LRRC27: variants seen among roughly 807,000 people sequenced by gnomAD.
LRRC27 encodes leucine-rich repeat-containing protein 27.
A neutral mutation model predicts 55.0 loss-of-function variants in LRRC27; 57 were observed. The observed-to-expected ratio is 1.04, with a 90% CI of 0.84 to 1.29. The LOEUF is 1.29. LRRC27 is among the 50% of genes most tolerant of loss of function. LRRC27 has a pLI of 0.00. For missense variants in LRRC27, 721 were observed against 651.5 expected, an observed-to-expected ratio of 1.11 and a Z score of -1.16; for synonymous variants, 278 against 251.9, an observed-to-expected ratio of 1.10 and a Z score of -0.98.
At chr10:132,373,065 C>T (rs568756862) in intron 10 of LRRC27, among the ~76,000 whole-genome samples, 8 of 152,274 alleles carry the variant, frequency 5.3e-5, no homozygotes, top group South Asian at 4.1e-4. Flanking sequence ...AAAATCCCCC[C>T]GTAGGAATAG....
At chr10:132,335,989 C>G (rs12770367) in intron 2 of LRRC27, among the ~76,000 whole-genome samples, 24,084 of 152,152 alleles carry the variant, frequency 0.16, 2,255 homozygotes, top group Non-Finnish European at 0.23. Context: ...CCTAGTACAT[C>G]CTGTTTTTCT....
At chr10:132,352,848 T>C in intron 7 of LRRC27, 1 of 1,611,640 alleles carries the variant, frequency 6.2e-7, no homozygotes, top group Non-Finnish European at 8.5e-7. Context: ...GCCTGCTTTC[T>C]TGTTCTTTTC....
rs1373653829 is a variant in LRRC27 at position 132,364,340 on chromosome 10, ACACTTAATCTACCTCCACACC to A, written c.1290-1082_1290-1062del. Among the ~76,000 whole-genome samples the A allele has an allele frequency of 8.3e-3, 33 of 3,976 alleles. 3 individuals are homozygous for A. The highest frequency in any genetic ancestry group is 0.035 in the African/African-American group (31 of 874). 2.6% of individuals were successfully genotyped at this position (3,976 alleles called of 152,430 possible). On this transcript the variant is annotated intron_variant, in intron 9 of 10. Transcript: ENST00000368614. ...CCACACCACACCCATGACCACACCC[ACACTTAATCTACCTCCACACC>A]CGCGCTTACACCCACCCACACTTAC...
chr10:132,337,355 G>T (rs1272289569), intron 2 of LRRC27: 101 of 1,353,540 alleles, frequency 7.5e-5, no homozygotes, highest in Non-Finnish European at 9.5e-5. Flanking sequence ...CGGCTCCAAA[G>T]GCCGCCGGAA....
At chr10:132,335,604 G>A (rs1055521090) in intron 2 of LRRC27, among the ~76,000 whole-genome samples, 2 of 126,418 alleles carry the variant, frequency 1.6e-5, no homozygotes, top group South Asian at 2.3e-4. Flanking sequence ...CCTGGATGTC[G>A]TCTATTGGTT....
chr10:132,357,110 C>T (rs1025283746), intron 8 of LRRC27, among the ~76,000 whole-genome samples: 4 of 152,174 alleles, frequency 2.6e-5, no homozygotes, highest in African/African-American at 7.2e-5. Flanking sequence ...ATAGTGTTTC[C>T]GTCTCCCCCC....
Position 132,352,412 on chromosome 10 carries a change from C to G in LRRC27, c.1073+659C>G, listed in dbSNP as rs1455411707. The stretch of plus-strand genomic sequence containing the variant: ...GCATGGGCTCCCTTGTTTGTAGCCC[C>G]GAGGCCTCCGTGTGGGGCAGGCGCA... On this transcript the variant is annotated intron_variant, in intron 7 of 10. Coordinates refer to ENST00000368614, the MANE Select transcript of LRRC27 (RefSeq NM_030626.3). Among the ~76,000 whole-genome samples the G allele has an allele frequency of 9.6e-5, 10 of 104,212 alleles. No individual in the cohort carries two copies. In the South Asian group the frequency reaches 3.3e-3, roughly 35 times the overall value. The allele number at this position is 104,212 out of a possible 152,430, so 68.4% of individuals were successfully genotyped here. A position where few individuals can be genotyped will look rare whatever the true frequency, so the allele number is the denominator to read the frequency against.
chr10:132,348,229 C>G lies in LRRC27; in HGVS notation c.799C>G (p.Gln267Glu). Reference sequence around the variant, plus strand: ...GATCAGGCGCTTTTGGAAGCTGAGGCAGGAGATTGTTGAGCACGTGAAGGC... The same window carrying G: ...GATCAGGCGCTTTTGGAAGCTGAGGGAGGAGATTGTTGAGCACGTGAAGGC... ...EEIRRFWKLRQEIVEHVKADV... is the reference protein window; with the variant it reads ...EEIRRFWKLREEIVEHVKADV... Residue 267 changes from glutamine to glutamate, a missense_variant, in exon 6 of 11, where the codon CAG becomes GAG. Physicochemically the swap from Gln to Glu is conservative, Grantham distance 29 (BLOSUM62 2). Coordinates refer to ENST00000368614, the MANE Select transcript of LRRC27 (RefSeq NM_030626.3). This position sits in a 1 kb window ranked among gnomAD's most constrained non-coding sequence, Gnocchi z 4.2. The G allele has an allele frequency of 6.2e-7, 1 of 1,614,046 alleles. No individual in the cohort carries two copies. Among genetic ancestry groups the G allele is most frequent in the African/African-American group, 1.3e-5 (1 of 75,028 alleles).
At chr10:132,333,428 G>A in intron 1 of LRRC27, 49 bp from the exon 2 acceptor site, 1 of 795,184 alleles carries the variant, frequency 1.3e-6, no homozygotes, top group South Asian at 2.4e-5. Flanking sequence ...ATTCTGTTTT[G>A]CCTCGGTATA....
intron 6 of LRRC27, among the ~76,000 whole-genome samples, chr10:132,349,386 C>G (rs2067895068): frequency 6.6e-6 from 1 of 152,148 alleles, no homozygotes. Flanking sequence ...ACATTCAAAA[C>G]AGAACAAAAC....
intron 7 of LRRC27, among the ~76,000 whole-genome samples, chr10:132,352,177 TGAGGCCTCCGTGTGGGGCA>T (rs2068066983): frequency 1.2e-5 from 1 of 82,884 alleles, no homozygotes; most frequent in African/African-American, 4.2e-5. Context: ...GGGCAGGCGC[TGAGGCCTCCGTGTGGGGCA>T]GGCGCTGAGG....
rs374793372 is a variant in LRRC27 at position 132,348,108 on chromosome 10, A to G, written c.678A>G (p.Lys226=). ...AGGACCCAGAGGGGGCTGTGATGAA[A>G]GAGAAGGCCAGCTTTCTCCCACCTG... ...NAQDPEGAVM[K]EKASFLPPVE... is the part of the protein sequence containing the mutation. Residue 226 remains lysine, a synonymous_variant, in exon 6 of 11, where the codon AAA becomes AAG. Coordinates refer to ENST00000368614, the MANE Select transcript of LRRC27 (RefSeq NM_030626.3). This position sits in a 1 kb window ranked among gnomAD's most constrained non-coding sequence, Gnocchi z 4.2. 5.0e-6 allele frequency: 8 copies of G among 1,614,012 alleles called. No individual in the cohort carries two copies. The African/African-American group carries it at 9.3e-5, about 19-fold the overall frequency.
chr10:132,359,015 C>T (rs866310800), intron 8 of LRRC27, among the ~76,000 whole-genome samples: 11 of 22,608 alleles, frequency 4.9e-4, no homozygotes, highest in Admixed American at 1.0e-3. Context: ...GGTGGAGCAG[C>T]GTGGGGAGGA....
At chr10:132,357,668 C>T (rs1005200753) in intron 8 of LRRC27, among the ~76,000 whole-genome samples, 4 of 152,118 alleles carry the variant, frequency 2.6e-5, no homozygotes, top group Non-Finnish European at 5.9e-5. Context: ...GAGGAGGGGT[C>T]GATGCTGCCA....
intron 7 of LRRC27, among the ~76,000 whole-genome samples, chr10:132,353,614 C>T (rs1369575096): frequency 2.0e-5 from 3 of 152,308 alleles, no homozygotes; most frequent in Non-Finnish European, 2.9e-5. Context: ...TGACTGACCG[C>T]TCTAGGGCTG....
chr10:132,376,555 C>T lies in LRRC27; in HGVS notation c.*1313C>T, dbSNP rs1036457595. On this transcript the variant is annotated 3_prime_UTR_variant, in exon 11 of 11. Transcript: ENST00000368614. ...GGTCTCCCGTGAGGCTGGAGTCAGC[C>T]GTGGGTTGAGCTGCTCTCCTCTGAA... is the stretch of plus-strand genomic sequence containing the variant. 5 of 152,484 alleles carry T rather than the reference C, an allele frequency of 3.3e-5. No individual in the cohort carries two copies. Among genetic ancestry groups the T allele is most frequent in the African/African-American group, 9.6e-5 (4 of 41,588 alleles). The allele number at this position is 152,484 out of a possible 1,614,324, so 9.4% of individuals were successfully genotyped here.
chr10:132,331,838 G>GC, upstream of LRRC27: 3 of 1,495,504 alleles, frequency 2.0e-6, no homozygotes, highest in Non-Finnish European at 2.7e-6. Flanking sequence ...CCGCGGGCGC[G>GC]GAAAAACGGA....
rs779748391 is a variant in LRRC27 at position 132,351,753 on chromosome 10, G to C, written c.1073G>C (p.Arg358Pro). Residue 358 changes from arginine to proline, a missense_variant and splice_region_variant, in exon 7 of 11, where the codon CGA (arginine) becomes CCA (proline). Coordinates refer to ENST00000368614, the MANE Select transcript of LRRC27 (RefSeq NM_030626.3). ...CAGGCTCTGATGGAGCAGCAGAGAC[G>C]GTGAGTCCACACAGGGTGGGGGTCC... ...EKQALMEQQR[R>P]EKRALQEWRE... The C allele has an allele frequency of 1.2e-6, 2 of 1,611,192 alleles. No individual in the cohort carries two copies. Among genetic ancestry groups the C allele is most frequent in the Non-Finnish European group, 1.7e-6 (2 of 1,178,796 alleles).
In LRRC27 at chr10:132,365,542, C is replaced by T. The variant is rs1564856547; in HGVS notation, c.1408C>T (p.Leu470=). The T allele has an allele frequency of 6.2e-7, 1 of 1,613,194 alleles. No homozygotes were observed. The highest frequency in any genetic ancestry group is 1.7e-5 in the Admixed American group (1 of 59,938). ...LEEMRKAAED[L]EIATELQDEV... Reference sequence around the variant, plus strand: ...GGAGATGAGGAAGGCTGCCGAGGATCTGGAAATTGTAAGGATTTCTTGGTT... The same window carrying T: ...GGAGATGAGGAAGGCTGCCGAGGATTTGGAAATTGTAAGGATTTCTTGGTT... Residue 470 remains leucine (L), a synonymous_variant, in exon 10 of 11, where the codon CTG becomes TTG. Transcript: ENST00000368614.
Sources: allele counts gnomAD v4.1 joint callset (sites outside exome capture counted in the v4.1 genomes callset), GRCh38; gene constraint gnomAD v4.1.1; non-coding constraint Gnocchi (gnomAD v3.1); transcripts MANE v1.5; gene names NCBI Gene and HGNC (gene_info 2026-07-23, HGNC 2026-07-21).